DOCK2: variants seen among roughly 807,000 people sequenced by gnomAD.
The protein encoded by DOCK2 is dedicator of cytokinesis 2, also known as dedicator of cytokinesis protein 2.
A neutral mutation model predicts 248.9 loss-of-function variants in DOCK2; 87 were observed. The ratio of observed to expected loss-of-function variants is 0.35; its 90% CI spans 0.29 to 0.42. DOCK2 has a LOEUF of 0.42. Among genes scored for constraint, DOCK2 ranks in the 10% least tolerant of loss-of-function variants. The probability of loss-of-function intolerance (pLI) is 1.00; values close to 1 mark genes in which losing one functional copy is unlikely to be tolerated. For missense variants in DOCK2, 1,747 were observed against 2,300.2 expected (o/e 0.76, Z 4.92); for synonymous variants, 805 against 821.6 (o/e 0.98, Z 0.35).
intron 41 of DOCK2, among the ~76,000 whole-genome samples, chr5:170,052,409 T>A (rs981218520): frequency 3.3e-5 from 5 of 151,964 alleles, no homozygotes; most frequent in Non-Finnish European, 5.9e-5. Flanking sequence ...AGGGAGAGAG[T>A]ACGTGTTCCT....
At chr5:169,652,435 A>G (rs1757858865) in intron 1 of DOCK2, among the ~76,000 whole-genome samples, 2 of 152,244 alleles carry the variant, frequency 1.3e-5, no homozygotes, top group Admixed American at 1.3e-4. Flanking sequence ...AAGCTTTATC[A>G]TCTCTCAGGA....
chr5:169,735,178 C>A (rs947994069), intron 22 of DOCK2, among the ~76,000 whole-genome samples: 1 of 152,178 alleles, frequency 6.6e-6, no homozygotes, highest in African/African-American at 2.4e-5. Flanking sequence ...CCTCTTATTT[C>A]TTTTTATTCT....
intron 27 of DOCK2, among the ~76,000 whole-genome samples, chr5:169,940,570 T>G (rs192461982): frequency 1.5e-4 from 23 of 152,336 alleles, no homozygotes; most frequent in Admixed American, 1.0e-3. Context: ...TTTCTGCAAC[T>G]AGACAGTCCC....
chr5:169,681,624 A>G (rs933880029), intron 6 of DOCK2, 120 bp from the exon 7 acceptor site: 4 of 1,252,486 alleles, frequency 3.2e-6, no homozygotes, highest in Non-Finnish European at 4.5e-6. Context: ...ATCAGTGTAG[A>G]GCTCTTCTAT....
At chr5:169,819,057 A>G (rs964258358) in intron 26 of DOCK2, among the ~76,000 whole-genome samples, 13 of 152,358 alleles carry the variant, frequency 8.5e-5, no homozygotes, top group African/African-American at 2.9e-4. Flanking sequence ...CTTCGCTTTT[A>G]TATCTGGGGA....
chr5:169,971,963 C>T (rs1219410933), intron 27 of DOCK2, among the ~76,000 whole-genome samples: 1 of 152,032 alleles, frequency 6.6e-6, no homozygotes, highest in African/African-American at 2.4e-5. Flanking sequence ...ACTACCACTC[C>T]CTGCCCTTGC....
intron 40 of DOCK2, 112 bp from the exon 41 acceptor site, chr5:170,050,144 T>G (rs911141291): frequency 7.3e-6 from 10 of 1,368,334 alleles, no homozygotes; most frequent in East Asian, 4.6e-5. Context: ...AGGAGAGTGA[T>G]GCACTGGACA....
intron 26 of DOCK2, among the ~76,000 whole-genome samples, chr5:169,831,407 G>C (rs182727962): frequency 6.6e-6 from 1 of 152,158 alleles, no homozygotes; most frequent in African/African-American, 2.4e-5. Flanking sequence ...TATAAACAAT[G>C]CAATATGCTA....
At chr5:169,638,921 G>A (rs759989102) in intron 1 of DOCK2, among the ~76,000 whole-genome samples, 3 of 149,468 alleles carry the variant, frequency 2.0e-5, no homozygotes, top group Admixed American at 6.6e-5. Context: ...CATCTAGAAG[G>A]GGAACATCAT....
intron 32 of DOCK2, among the ~76,000 whole-genome samples, chr5:170,015,444 G>A (rs556630104): frequency 6.6e-6 from 1 of 152,274 alleles, no homozygotes; most frequent in South Asian, 2.1e-4. Flanking sequence ...TGAACAATGA[G>A]GAGAGAATTG....
At chr5:169,657,680 A>G (rs1289589673) in intron 2 of DOCK2, among the ~76,000 whole-genome samples, 1 of 152,176 alleles carries the variant, frequency 6.6e-6, no homozygotes, top group East Asian at 1.9e-4. Flanking sequence ...GACTTTATTT[A>G]ATCTTATATC....
At chr5:170,001,917 C>T (rs1477210653) in intron 30 of DOCK2, among the ~76,000 whole-genome samples, 1 of 152,154 alleles carries the variant, frequency 6.6e-6, no homozygotes, top group Non-Finnish European at 1.5e-5. Flanking sequence ...TGAGAGTTTG[C>T]TAGCCAGTGA....
intron 33 of DOCK2, among the ~76,000 whole-genome samples, chr5:170,020,612 A>G (rs1755687265): frequency 6.6e-6 from 1 of 152,260 alleles, no homozygotes; most frequent in South Asian, 2.1e-4. Context: ...ATGAAAAGAA[A>G]CTGAGACTTA....
intron 26 of DOCK2, among the ~76,000 whole-genome samples, chr5:169,822,240 A>C (rs1014303304): frequency 2.6e-5 from 4 of 152,228 alleles, no homozygotes; most frequent in African/African-American, 9.6e-5. Context: ...ATATCCAGGA[A>C]TTGAACTCAG....
intron 26 of DOCK2, among the ~76,000 whole-genome samples, chr5:169,836,593 C>T (rs957069388): frequency 6.6e-6 from 1 of 152,050 alleles, no homozygotes; most frequent in Non-Finnish European, 1.5e-5. Flanking sequence ...GCTTTATTTC[C>T]AAGTTTTGGA....
intron 19 of DOCK2, 63 bp downstream of exon 19, chr5:169,714,520 C>A: frequency 6.3e-7 from 1 of 1,575,156 alleles, no homozygotes; most frequent in Non-Finnish European, 8.7e-7. Flanking sequence ...ATGTGGGTGG[C>A]TTCAGGGGAA....
At chr5:169,872,803 C>T (rs758528462) in intron 27 of DOCK2, among the ~76,000 whole-genome samples, 1 of 152,158 alleles carries the variant, frequency 6.6e-6, no homozygotes, top group African/African-American at 2.4e-5. Flanking sequence ...GCCCTGGCTC[C>T]CTGGGATCTT....
intron 9 of DOCK2, among the ~76,000 whole-genome samples, chr5:169,689,628 T>C (rs1279047494): frequency 6.6e-6 from 1 of 152,224 alleles, no homozygotes; most frequent in African/African-American, 2.4e-5. Context: ...TGAGCAATAA[T>C]GCCCAGGTGA....
In DOCK2 at chr5:170,081,821, C is replaced by A. The variant is rs563816724; in HGVS notation, c.5288-21C>A. 3 of 1,606,146 alleles carry A rather than the reference C, an allele frequency of 1.9e-6. No individual in the cohort carries two copies. In the African/African-American group the frequency reaches 4.0e-5, roughly 22 times the overall value. ...CCTCCTCTACCCACCCATTCACACC[C>A]CAGCTCTGCTCTCCTTCCAGCCCTG... On this transcript the variant is annotated intron_variant, in intron 50 of 51. Transcript: ENST00000520908.
Sources: gnomAD v4.1 joint callset for allele counts (sites outside exome capture counted in the v4.1 genomes callset) on GRCh38, gnomAD v4.1.1 for gene constraint, MANE v1.5 for transcripts, NCBI Gene and HGNC (gene_info 2026-07-23, HGNC 2026-07-21) for gene names.